The following CFAP70 variants were observed in gnomAD, a reference collection of about 807,000 sequenced individuals.
The protein encoded by CFAP70 is cilia and flagella associated protein 70.
A neutral mutation model predicts 137.6 loss-of-function variants in CFAP70; 81 were observed. The ratio of observed to expected loss-of-function variants is 0.59; its 90% CI spans 0.49 to 0.71. The LOEUF is 0.71. CFAP70 is among the 30% of genes least tolerant of loss of function. The pLI, the probability that CFAP70 is intolerant of heterozygous loss-of-function variation, is 0.00. For missense variants in CFAP70, 976 were observed against 1,226.7 expected (o/e 0.80, Z 3.05); for synonymous variants, 382 against 423.6 (o/e 0.90, Z 1.20).
At chr10:73,301,987 A>G (rs1223502392) in intron 12 of CFAP70, among the ~76,000 whole-genome samples, 10 of 152,166 alleles carry the variant, frequency 6.6e-5, no homozygotes, top group Admixed American at 3.3e-4. Context: ...CTATCATTAG[A>G]AAATAAAAAA....
intron 6 of CFAP70, among the ~76,000 whole-genome samples, chr10:73,336,580 C>CTT (rs58611619): frequency 1.7e-3 from 210 of 124,226 alleles, no homozygotes; most frequent in Middle Eastern, 4.1e-3. Context: ...TACTATTTTC[C>CTT]TTTTTTTTTT....
At chr10:73,287,852 C>CATCCATCTATCT (rs140782423) in intron 19 of CFAP70, among the ~76,000 whole-genome samples, 4 of 145,858 alleles carry the variant, frequency 2.7e-5, no homozygotes, top group African/African-American at 1.0e-4. Flanking sequence ...TGCATTTTAA[C>CATCCATCTATCT]ATCTATCTAT....
intron 12 of CFAP70, among the ~76,000 whole-genome samples, chr10:73,301,740 TG>T (rs1192662047): frequency 3.9e-5 from 6 of 152,210 alleles, no homozygotes; most frequent in Admixed American, 6.5e-5. Flanking sequence ...TAAAAGCCAC[TG>T]AATTGTACAC....
intron 12 of CFAP70, among the ~76,000 whole-genome samples, chr10:73,307,735 A>T (rs2049510758): frequency 6.6e-6 from 1 of 152,186 alleles, no homozygotes; most frequent in Admixed American, 6.5e-5. Context: ...CCCAAAATTT[A>T]TAAAGCAAAA....
chr10:73,319,476 C>T (rs2050677069), intron 9 of CFAP70, among the ~76,000 whole-genome samples: 1 of 152,186 alleles, frequency 6.6e-6, no homozygotes, highest in South Asian at 2.1e-4. Context: ...CCTACCCCCA[C>T]CTCAACATAT....
Position 73,278,226 on chromosome 10 carries a change from C to G in CFAP70, c.2351G>C (p.Ser784Thr). The stretch of plus-strand genomic sequence containing the variant: ...GATAAATGTGTTAGATGGTTTTTGG[C>G]TTATACTTGGATCCCAAGTTTGTGT... Residue 784 changes from serine to threonine, a missense_variant, in exon 20 of 27, where the codon AGC becomes ACC. Transcript: ENST00000310715. 4.3e-6 allele frequency: 7 copies of G among 1,613,920 alleles called. 1 individual carries two copies. The highest frequency in any genetic ancestry group is 4.2e-6 in the Non-Finnish European group (5 of 1,179,948).
chr10:73,292,415 A>G (rs2048244181), intron 16 of CFAP70, among the ~76,000 whole-genome samples: 1 of 152,244 alleles, frequency 6.6e-6, no homozygotes, highest in Non-Finnish European at 1.5e-5. Context: ...AGTGAAAACT[A>G]TAAAAATTGC....
At chr10:73,311,534 C>G (rs1388859125) in intron 11 of CFAP70, among the ~76,000 whole-genome samples, 1 of 152,166 alleles carries the variant, frequency 6.6e-6, no homozygotes, top group Non-Finnish European at 1.5e-5. Context: ...TTCCTGAAAG[C>G]AGATGAATAA....
At chr10:73,310,440 T>C (rs766365128) in intron 11 of CFAP70, among the ~76,000 whole-genome samples, 191 bp from the exon 13 acceptor site, 5 of 152,250 alleles carry the variant, frequency 3.3e-5, no homozygotes, top group Non-Finnish European at 7.3e-5. Flanking sequence ...CAACAGTGGT[T>C]ATCTCTTAGA....
At chr10:73,294,254 T>C (rs1458155146) in intron 15 of CFAP70, 1 of 152,264 alleles carries the variant, frequency 6.6e-6, no homozygotes, top group Non-Finnish European at 1.5e-5. Flanking sequence ...CAACACTCCA[T>C]GTCTTGTCTT....
At position 73,348,140 on chromosome 10, in the gene CFAP70, C is replaced by T. The variant is rs1240369134; in HGVS notation, c.349+283G>A. The T allele has an allele frequency of 6.2e-7, 1 of 1,611,916 alleles. No individual in the cohort carries two copies. ...GAATGGCAGGCTGAAATGTTGAGAG[C>T]TAAAACTCTGATTACCTTAGCACTT... On this transcript the variant is annotated intron_variant, in intron 4 of 26. Coordinates refer to ENST00000310715, the Ensembl canonical transcript of CFAP70.
At chr10:73,284,758 A>T (rs1326412461) in intron 19 of CFAP70, among the ~76,000 whole-genome samples, 1 of 22,316 alleles carries the variant, frequency 4.5e-5, no homozygotes, top group African/African-American at 2.4e-4. Flanking sequence ...ATATATATAT[A>T]TATATATATA....
At position 73,310,226 on chromosome 10, in the gene CFAP70, G is replaced by A. The variant is rs2049793090; in HGVS notation, c.1188C>T (p.Tyr396=). 2.5e-6 allele frequency: 4 copies of A among 1,612,130 alleles called. No individual in the cohort carries two copies. The African/African-American group carries it at 4.0e-5, about 16-fold the overall frequency. ...TGTCCAGCTGAATTTCCAACACAAT[G>A]TATGTCCCTGCTTCTACATATTGCT... The change falls in exon 12 of 27, where the codon TAC becomes TAT. Residue 396 remains tyrosine (Y), a synonymous_variant. Coordinates refer to ENST00000310715, the Ensembl canonical transcript of CFAP70.
intron 25 of CFAP70, among the ~76,000 whole-genome samples, chr10:73,268,483 T>C (rs2045964839): frequency 6.6e-6 from 1 of 152,190 alleles, no homozygotes; most frequent in African/African-American, 2.4e-5. Flanking sequence ...CTCAAACCTG[T>C]TGAATGGGTT....
chr10:73,283,825 G>A (rs1440607274), intron 19 of CFAP70, among the ~76,000 whole-genome samples: 1 of 152,036 alleles, frequency 6.6e-6, no homozygotes, highest in African/African-American at 2.4e-5. Flanking sequence ...CCAAAGCACT[G>A]GGATTACAAG....
intron 15 of CFAP70, chr10:73,295,623 T>C (rs1257095655): frequency 6.6e-6 from 1 of 152,232 alleles, no homozygotes; most frequent in Non-Finnish European, 1.5e-5. Context: ...TTTTCTTGAA[T>C]TCCTAGGAGT....
intron 8 of CFAP70, among the ~76,000 whole-genome samples, chr10:73,325,216 AT>A (rs1232126908): frequency 6.6e-6 from 1 of 152,214 alleles, no homozygotes; most frequent in Non-Finnish European, 1.5e-5. Flanking sequence ...TCAACACAGA[AT>A]TTCATATCCA....
chr10:73,255,791 C>T (rs1303565418), intron 26 of CFAP70, among the ~76,000 whole-genome samples: 1 of 152,076 alleles, frequency 6.6e-6, no homozygotes, highest in African/African-American at 2.4e-5. Context: ...GTGATCTACC[C>T]ACCTCAGCCT....
chr10:73,324,081 C>T (rs995720961), intron 8 of CFAP70, among the ~76,000 whole-genome samples: 1 of 152,188 alleles, frequency 6.6e-6, no homozygotes, highest in Non-Finnish European at 1.5e-5. Flanking sequence ...CTGGGAGGCA[C>T]CCCCTAGTAG....
Sources: gnomAD v4.1 joint callset for allele counts (sites outside exome capture counted in the v4.1 genomes callset) on GRCh38, gnomAD v4.1.1 for gene constraint, MANE v1.5 for transcripts, NCBI Gene and HGNC (gene_info 2026-07-23, HGNC 2026-07-21) for gene names.